Variants in TLCD4 observed in about 807,000 individuals in gnomAD.
TLCD4 encodes TLC domain containing 4, also known as TLC domain-containing protein 4.
TLCD4 carries 7 observed loss-of-function variants against 24.2 expected under a neutral mutation model. That is an observed-to-expected ratio of 0.29 (90% CI 0.16 to 0.54). TLCD4 has a LOEUF of 0.54. Among genes scored for constraint, TLCD4 ranks in the 20% least tolerant of loss-of-function variants. The pLI, the probability that TLCD4 is intolerant of heterozygous loss-of-function variation, is 0.95. For synonymous variants in TLCD4, 103 were observed against 106.4 expected, an observed-to-expected ratio of 0.97 and a Z score of 0.20; for missense variants, 259 against 313.9, an observed-to-expected ratio of 0.82 and a Z score of 1.32.
intron 3 of TLCD4, among the ~76,000 whole-genome samples, chr1:95,149,513 G>T (rs1449294564): frequency 6.6e-6 from 1 of 152,062 alleles, no homozygotes; most frequent in African/African-American, 2.4e-5. Flanking sequence ...TGACTGCAAG[G>T]ACGTTTTTCT....
chr1:95,125,732 G>A (rs1000161443), intron 1 of TLCD4: 1 of 152,202 alleles, frequency 6.6e-6, no homozygotes, highest in African/African-American at 2.4e-5. Context: ...AAGCTGCAGG[G>A]CCCTTAGGCC....
At chr1:95,105,671 G>A in the TLCD4 span, among the ~76,000 whole-genome samples, 1 of 151,952 alleles carries the variant, frequency 6.6e-6, no homozygotes, top group East Asian at 1.9e-4. Context: ...CGAGGCGGGC[G>A]GATCACGAGG....
the TLCD4 span, among the ~76,000 whole-genome samples, chr1:95,094,570 G>C: frequency 6.6e-6 from 1 of 152,262 alleles, no homozygotes; most frequent in East Asian, 1.9e-4. Flanking sequence ...ACCCTTCTAA[G>C]TGAGTGCTGT....
intron 1 of TLCD4, among the ~76,000 whole-genome samples, chr1:95,136,033 T>G (rs1677031492): frequency 1.3e-5 from 2 of 150,878 alleles, no homozygotes; most frequent in Admixed American, 1.3e-4. Flanking sequence ...GCTCTCAAGT[T>G]TTCAAGTTTT....
the TLCD4 span, among the ~76,000 whole-genome samples, chr1:95,101,410 AGTGTGTGTGTGT>A: frequency 2.1e-4 from 30 of 142,732 alleles, no homozygotes; most frequent in East Asian, 1.0e-3. Flanking sequence ...GACTAATTAA[AGTGTGTGTGTGT>A]GTGTGTGTGT....
chr1:95,128,687 C>G (rs900101285), intron 1 of TLCD4, among the ~76,000 whole-genome samples: 1 of 152,106 alleles, frequency 6.6e-6, no homozygotes, highest in Non-Finnish European at 1.5e-5. Flanking sequence ...AACTCTTTTG[C>G]TCCCGCAAAA....
chr1:95,169,726 T>TA (rs2100983433), intron 5 of TLCD4, among the ~76,000 whole-genome samples: 1 of 152,274 alleles, frequency 6.6e-6, no homozygotes, highest in African/African-American at 2.4e-5. Flanking sequence ...CCTAGGCTGG[T>TA]ATGCAGTAGT....
intron 1 of TLCD4, among the ~76,000 whole-genome samples, chr1:95,119,940 G>A (rs1276325509): frequency 3.3e-5 from 5 of 152,168 alleles, no homozygotes; most frequent in African/African-American, 9.7e-5. Flanking sequence ...GATATGAAAA[G>A]CTAGCTTTTC....
chr1:95,105,116 T>C, the TLCD4 span, among the ~76,000 whole-genome samples: 74 of 152,204 alleles, frequency 4.9e-4, 2 homozygotes, highest in Non-Finnish European at 1.2e-4. Flanking sequence ...TTGTGTTAGA[T>C]GATTTCGCCT....
chr1:95,141,204 G>C (rs1677188118), intron 1 of TLCD4, among the ~76,000 whole-genome samples: 1 of 152,052 alleles, frequency 6.6e-6, no homozygotes, highest in South Asian at 2.1e-4. Flanking sequence ...TTAGAACAAA[G>C]ACTTAAAAAC....
At chr1:95,177,333 A>G (rs1487783203) in intron 6 of TLCD4, among the ~76,000 whole-genome samples, 2 of 152,132 alleles carry the variant, frequency 1.3e-5, no homozygotes, top group Non-Finnish European at 2.9e-5. Context: ...GGCTTCTATG[A>G]TTATATGTCT....
Position 95,196,417 on chromosome 1 carries a change from C to T in TLCD4, c.*4549C>T, listed in dbSNP as rs998134513. On this transcript the variant is annotated 3_prime_UTR_variant, in exon 7 of 7. Transcript: ENST00000370203. Reference sequence around the variant, plus strand: ...TTGAAAACAAATTTACCAGCAACTGCGTTACTTGGTGTTTTCCAAAGTACA... The same window carrying T: ...TTGAAAACAAATTTACCAGCAACTGTGTTACTTGGTGTTTTCCAAAGTACA... 12 of 152,292 alleles carry T rather than the reference C, an allele frequency of 7.9e-5. No homozygotes were observed. Among genetic ancestry groups the T allele is most frequent in the Admixed American group, 1.3e-4 (2 of 15,288 alleles). 9.4% of individuals were successfully genotyped at this position (152,292 alleles called of 1,614,324 possible).
chr1:95,154,307 G>A (rs964333), intron 5 of TLCD4, among the ~76,000 whole-genome samples: 89,571 of 152,080 alleles, frequency 0.59, 27,923 homozygotes, highest in East Asian at 0.82. Context: ...TGGGGGACAG[G>A]AGGGGAGAAA....
At chr1:95,156,915 G>C (rs1677649766) in intron 5 of TLCD4, among the ~76,000 whole-genome samples, 1 of 152,106 alleles carries the variant, frequency 6.6e-6, no homozygotes, top group African/African-American at 2.4e-5. Context: ...TTTGTGTAAA[G>C]GGCAGTGCAG....
chr1:95,161,965 A>T (rs1201196573), intron 5 of TLCD4, among the ~76,000 whole-genome samples: 2 of 152,178 alleles, frequency 1.3e-5, no homozygotes, highest in Non-Finnish European at 2.9e-5. Flanking sequence ...TGCTGAGAAG[A>T]ATGTATATTC....
At chr1:95,106,700 C>A in the TLCD4 span, among the ~76,000 whole-genome samples, 1 of 152,132 alleles carries the variant, frequency 6.6e-6, no homozygotes, top group Non-Finnish European at 1.5e-5. Context: ...TCAAAACAAA[C>A]AAACAGACAA....
chr1:95,162,351 T>A (rs1429062545), intron 5 of TLCD4, among the ~76,000 whole-genome samples: 1 of 132,122 alleles, frequency 7.6e-6, no homozygotes, highest in Non-Finnish European at 1.8e-5. Flanking sequence ...TTCCATTTGC[T>A]CGGTAGATCT....
In TLCD4 at chr1:95,143,871, G is replaced by T; in HGVS notation, c.-11-20G>T. On this transcript the variant is annotated intron_variant, in intron 1 of 6. Transcript: ENST00000370203. Reference sequence around the variant, plus strand: ...GTTTATTATGAGACAACAATTTATAGCTGTCATTTATCTTAACAGGTTGAA... The same window carrying T: ...GTTTATTATGAGACAACAATTTATATCTGTCATTTATCTTAACAGGTTGAA... 7.4e-7 allele frequency: 1 copy of T among 1,348,710 alleles called. No individual in the cohort carries two copies. 83.5% of individuals were successfully genotyped at this position (1,348,710 alleles called of 1,614,324 possible).
At position 95,144,018 on chromosome 1, in the gene TLCD4, T is replaced by C. The variant is rs200656150; in HGVS notation, c.117T>C (p.Asn39=). Residue 39 remains asparagine (N), a synonymous_variant, in exon 2 of 7, where the codon AAT becomes AAC. Coordinates refer to ENST00000370203, the MANE Select transcript of TLCD4 (RefSeq NM_152487.3). ...WFSAKVSPGF[N]SLSFKKKIEW... ...CAGCAAAAGTTTCTCCAGGTTTCAA[T>C]AGTCTCAGCTTCAAAAAGAAGATTG... 1.1e-5 allele frequency: 17 copies of C among 1,557,312 alleles called. No individual in the cohort carries two copies. The East Asian group carries it at 1.2e-4, about 11-fold the overall frequency.
Sources: gnomAD v4.1 joint callset for allele counts (sites outside exome capture counted in the v4.1 genomes callset) on GRCh38, gnomAD v4.1.1 for gene constraint, MANE v1.5 for transcripts, NCBI Gene and HGNC (gene_info 2026-07-23, HGNC 2026-07-21) for gene names.